The following PTTG1 variants were observed in gnomAD, a reference collection of about 807,000 sequenced individuals.
The protein encoded by PTTG1 is PTTG1 regulator of sister chromatid separation, securin.
A neutral mutation model predicts 20.0 loss-of-function variants in PTTG1; 8 were observed. The ratio of observed to expected loss-of-function variants is 0.40; its 90% CI spans 0.23 to 0.72. The LOEUF (loss-of-function observed/expected upper bound fraction) is 0.72, where lower values mean the gene tolerates loss of function less well. Among genes scored for constraint, PTTG1 ranks in the 30% least tolerant of loss-of-function variants. PTTG1 has a pLI of 0.38. For synonymous variants in PTTG1, 79 were observed against 87.2 expected (o/e 0.91, Z 0.52); for missense variants, 197 against 236.0 (o/e 0.83, Z 1.08).
chr5:160,424,652 G>T, intron 4 of PTTG1: 1 of 192,240 alleles, frequency 5.2e-6, no homozygotes, highest in South Asian at 1.7e-4. Flanking sequence ...TTAGAAGTGA[G>T]CTTTATGTCA....
chr5:160,422,113 T>TA (rs1255734216), intron 1 of PTTG1, 189 bp from the exon 2 acceptor site: 4 of 544,638 alleles, frequency 7.3e-6, no homozygotes, highest in South Asian at 4.2e-5. Flanking sequence ...CTCGGGACCT[T>TA]AGAGCCTCTG....
chr5:160,424,496 G>A, intron 4 of PTTG1, 166 bp downstream of exon 4: 1 of 570,884 alleles, frequency 1.8e-6, no homozygotes, highest in Non-Finnish European at 3.1e-6. Context: ...TTATTTGCAA[G>A]GTATCATCTT....
intron 4 of PTTG1, among the ~76,000 whole-genome samples, chr5:160,425,645 TC>T (rs1439131766): frequency 2.6e-5 from 4 of 152,240 alleles, no homozygotes; most frequent in South Asian, 2.1e-4. Context: ...TTTATTAACT[TC>T]CGGTTTGTGT....
intron 3 of PTTG1, among the ~76,000 whole-genome samples, chr5:160,423,698 T>C (rs1765758399): frequency 7.0e-6 from 1 of 142,562 alleles, no homozygotes; most frequent in Admixed American, 7.4e-5. Flanking sequence ...CCGGCTTCCA[T>C]TGTAGCACCC....
intron 4 of PTTG1, among the ~76,000 whole-genome samples, chr5:160,425,049 A>G (rs754162637): frequency 7.2e-5 from 11 of 152,198 alleles, no homozygotes; most frequent in Non-Finnish European, 1.5e-4. Flanking sequence ...AAATACAGGC[A>G]GGGTAAAGGA....
intron 2 of PTTG1, 33 bp downstream of exon 2, chr5:160,422,436 G>T (rs937319069): frequency 5.7e-6 from 9 of 1,575,058 alleles, no homozygotes; most frequent in Admixed American, 3.3e-5. Context: ...GGATACACTG[G>T]TATTGTGGAC....
intron 4 of PTTG1, 117 bp downstream of exon 4, chr5:160,424,447 A>G: frequency 1.3e-6 from 1 of 742,710 alleles, no homozygotes; most frequent in East Asian, 2.7e-5. Context: ...AGACTGTCTG[A>G]ATCTGGGTTG....
intron 4 of PTTG1, among the ~76,000 whole-genome samples, chr5:160,426,827 G>A (rs1202666880): frequency 6.6e-6 from 1 of 152,160 alleles, no homozygotes; most frequent in African/African-American, 2.4e-5. Flanking sequence ...CGGATCACCT[G>A]AGGTCACGAG....
chr5:160,424,384 T>G, intron 4 of PTTG1, 54 bp downstream of exon 4: 2 of 1,255,190 alleles, frequency 1.6e-6, no homozygotes, highest in Non-Finnish European at 2.3e-6. Context: ...TTCTTAGTAT[T>G]CAGCTCAGCT....
chr5:160,424,195 A>G (rs1356404402), intron 3 of PTTG1, 42 bp from the exon 4 acceptor site: 9 of 1,414,910 alleles, frequency 6.4e-6, no homozygotes, highest in Non-Finnish European at 8.8e-6. Flanking sequence ...AGCTAATAAG[A>G]CTTCCACTGT....
chr5:160,425,846 T>C (rs1000289158), intron 4 of PTTG1, among the ~76,000 whole-genome samples: 2 of 152,198 alleles, frequency 1.3e-5, no homozygotes, highest in Non-Finnish European at 2.9e-5. Flanking sequence ...GACTAATTCT[T>C]GAGTACTTAG....
chr5:160,428,529 C>G, intron 5 of PTTG1, 73 bp from the exon 6 acceptor site: 1 of 1,288,260 alleles, frequency 7.8e-7, no homozygotes, highest in South Asian at 1.2e-5. Context: ...TGATTGACAG[C>G]TAATGTCTAT....
chr5:160,423,470 G>GT (rs1765754179), intron 3 of PTTG1, among the ~76,000 whole-genome samples: 1 of 152,166 alleles, frequency 6.6e-6, no homozygotes, highest in African/African-American at 2.4e-5. Context: ...TTGAATAACT[G>GT]TTTTGTTTAA....
intron 3 of PTTG1, among the ~76,000 whole-genome samples, 187 bp from the exon 4 acceptor site, chr5:160,424,050 T>C (rs1181792937): frequency 2.0e-5 from 3 of 152,346 alleles, no homozygotes; most frequent in African/African-American, 4.8e-5. Context: ...AAATTTCAGA[T>C]TTTAACTTTT....
In PTTG1 at chr5:160,422,798, A is replaced by T; in HGVS notation, c.181A>T (p.Arg61Ter). The T allele has an allele frequency of 6.2e-7, 1 of 1,614,148 alleles. No homozygotes were observed. Among genetic ancestry groups the T allele is most frequent in the Non-Finnish European group, 8.5e-7 (1 of 1,179,980 alleles). The stretch of plus-strand genomic sequence containing the variant: ...CCCACCAGCCTTACCTAAAGCTACT[A>T]GAAAGGCTTTGGGAACTGTCAACAG... ...DAPPALPKAT[R>*]KALGTVNRAT... The change falls in exon 3 of 6, where the codon AGA (arginine) becomes TGA (stop). Residue 61 changes from arginine (R) to a stop codon, truncating the protein, a stop_gained. Transcript: ENST00000352433. LOFTEE classifies it high-confidence loss of function.
intron 4 of PTTG1, 78 bp downstream of exon 4, chr5:160,424,408 A>G (rs1298314077): frequency 9.5e-7 from 1 of 1,057,452 alleles, no homozygotes; most frequent in African/African-American, 1.6e-5. Flanking sequence ...ACTTGTTATG[A>G]ATATAATATA....
At chr5:160,422,459 T>A in intron 2 of PTTG1, 56 bp downstream of exon 2, 1 of 1,466,338 alleles carries the variant, frequency 6.8e-7, no homozygotes, top group African/African-American at 1.4e-5. Context: ...GGCCTGGAGC[T>A]GGACGAGACA....
intron 4 of PTTG1, 37 bp downstream of exon 4, chr5:160,424,367 C>T (rs573090659): frequency 7.1e-7 from 1 of 1,417,392 alleles, no homozygotes; most frequent in African/African-American, 1.4e-5. Flanking sequence ...TGCTTTTGGC[C>T]TTTAGTTTCT....
chr5:160,422,962 A>G (rs1181828406), intron 3 of PTTG1, 69 bp downstream of exon 3: 9 of 1,509,362 alleles, frequency 6.0e-6, no homozygotes, highest in Non-Finnish European at 7.3e-6. Flanking sequence ...GACTATTGGC[A>G]TCATCCTACG....
Sources: gnomAD v4.1 joint callset for allele counts (sites outside exome capture counted in the v4.1 genomes callset) on GRCh38, gnomAD v4.1.1 for gene constraint, MANE v1.5 for transcripts, NCBI Gene and HGNC (gene_info 2026-07-23, HGNC 2026-07-21) for gene names.